Variants in FAM186A observed in about 807,000 individuals in gnomAD.
FAM186A encodes the protein protein FAM186A.
FAM186A carries 163 observed loss-of-function variants against 216.8 expected under a neutral mutation model. The observed-to-expected ratio is 0.75, with a 90% CI of 0.66 to 0.86. The LOEUF is 0.86. Ranked by LOEUF, FAM186A falls within the 40% of genes least tolerant of loss-of-function variation. FAM186A has a pLI of 0.00. For missense variants in FAM186A, 2,184 were observed against 2,746.2 expected, an observed-to-expected ratio of 0.80 and a Z score of 4.58; for synonymous variants, 805 against 1,025.3, an observed-to-expected ratio of 0.79 and a Z score of 4.10.
chr12:50,332,200 T>C (rs764441246), intron 5 of FAM186A, among the ~76,000 whole-genome samples: 9 of 152,248 alleles, frequency 5.9e-5, no homozygotes, highest in Admixed American at 1.3e-4. Flanking sequence ...GCAACTGTAA[T>C]GATAGCCAGC....
At chr12:50,384,854 G>A (rs1213842757) in intron 1 of FAM186A, among the ~76,000 whole-genome samples, 1 of 151,938 alleles carries the variant, frequency 6.6e-6, no homozygotes, top group Non-Finnish European at 1.5e-5. Context: ...TGCCCAGGCT[G>A]GAGTGCATTG....
chr12:50,376,896 A>C (rs1943203478), intron 1 of FAM186A, among the ~76,000 whole-genome samples: 1 of 151,762 alleles, frequency 6.6e-6, no homozygotes, highest in Non-Finnish European at 1.5e-5. Context: ...GAGTGCCACC[A>C]TGGTCAGCTA....
At position 50,352,093 on chromosome 12, in the gene FAM186A, G is replaced by GCACC. The variant is rs1296676824; in HGVS notation, c.4738_4739insGGTG (p.Thr1580ArgfsTer88). The GCACC allele has an allele frequency of 6.5e-7, 1 of 1,535,756 alleles. No homozygotes were observed. Among genetic ancestry groups the GCACC allele is most frequent in the Non-Finnish European group, 8.8e-7 (1 of 1,137,920 alleles). ...CCCCAGTTCCTGCGCCTGCTGAGGGGTGAGAGGGATCCCCAGGGCCTGGGC... is the reference window on the plus strand; with the variant it reads ...CCCCAGTTCCTGCGCCTGCTGAGGGGCACCTGAGAGGGATCCCCAGGGCCTGGGC... On this transcript the variant is annotated frameshift_variant, in exon 4 of 8. Transcript: ENST00000327337. LOFTEE classifies it high-confidence loss of function.
At chr12:50,336,170 C>T (rs1942706609) in intron 4 of FAM186A, among the ~76,000 whole-genome samples, 1 of 151,024 alleles carries the variant, frequency 6.6e-6, no homozygotes. Flanking sequence ...AGGAAGGTGT[C>T]AAGCAGAATT....
intron 1 of FAM186A, among the ~76,000 whole-genome samples, chr12:50,380,975 A>G (rs1592631699): frequency 5.1e-3 from 1 of 196 alleles, no homozygotes; most frequent in Admixed American, 0.25. Context: ...GGGCATCTCC[A>G]GGCACAGGCA....
At chr12:50,367,731 A>G (rs938414638) in intron 1 of FAM186A, among the ~76,000 whole-genome samples, 1 of 152,066 alleles carries the variant, frequency 6.6e-6, no homozygotes, top group South Asian at 2.1e-4. Flanking sequence ...TATTAGAACA[A>G]TAAATTCAGC....
chr12:50,367,210 G>A (rs1419988804), intron 1 of FAM186A, among the ~76,000 whole-genome samples: 1 of 151,928 alleles, frequency 6.6e-6, no homozygotes, highest in Non-Finnish European at 1.5e-5. Flanking sequence ...GGAAGTCCTA[G>A]ACAATCAGGC....
chr12:50,378,353 AC>A (rs1943219097), intron 1 of FAM186A, among the ~76,000 whole-genome samples: 1 of 151,576 alleles, frequency 6.6e-6, no homozygotes, highest in African/African-American at 2.4e-5. Flanking sequence ...AGATGGTGAA[AC>A]CCTGTCTCTA....
At chr12:50,390,431 A>G (rs1943346884) in intron 1 of FAM186A, among the ~76,000 whole-genome samples, 1 of 152,156 alleles carries the variant, frequency 6.6e-6, no homozygotes, top group Admixed American at 6.6e-5. Flanking sequence ...TTCATGATTC[A>G]GGTATTTATT....
At chr12:50,330,837 C>T (rs1942650207) in intron 6 of FAM186A, 79 bp from the exon 7 acceptor site, 2 of 1,232,572 alleles carry the variant, frequency 1.6e-6, no homozygotes, top group Admixed American at 3.3e-5. Context: ...ATTCTCCCCT[C>T]TTCACTGCCA....
Position 50,382,666 on chromosome 12 carries a change from C to T in FAM186A, c.192+13627G>A, listed in dbSNP as rs561767231. Among the ~76,000 whole-genome samples the T allele has an allele frequency of 1.2e-4, 18 of 152,150 alleles. No homozygotes were observed. The South Asian group carries it at 3.7e-3, about 32-fold the overall frequency. On this transcript the variant is annotated intron_variant, in intron 1 of 7. Coordinates refer to ENST00000327337, the MANE Select transcript of FAM186A (RefSeq NM_001145475.3). ...AGTGAGCTGAGATCGTGCCACTGCACTCCAGCCTGGGCAACAGAGCAAGAC... is the reference window on the plus strand; with the variant it reads ...AGTGAGCTGAGATCGTGCCACTGCATTCCAGCCTGGGCAACAGAGCAAGAC...
chr12:50,333,516 A>C (rs769282977), intron 5 of FAM186A, among the ~76,000 whole-genome samples: 2 of 152,158 alleles, frequency 1.3e-5, no homozygotes, highest in Non-Finnish European at 2.9e-5. Flanking sequence ...GAGACAGAGC[A>C]AGACTGTCTC....
At chr12:50,368,836 A>G (rs1326570148) in intron 1 of FAM186A, among the ~76,000 whole-genome samples, 1 of 152,172 alleles carries the variant, frequency 6.6e-6, no homozygotes, top group Non-Finnish European at 1.5e-5. Context: ...ACCTGATGGA[A>G]TAGAATAGAG....
At chr12:50,390,929 A>G (rs1261649708) in intron 1 of FAM186A, among the ~76,000 whole-genome samples, 1 of 152,068 alleles carries the variant, frequency 6.6e-6, no homozygotes, top group East Asian at 1.9e-4. Context: ...AGCTCAAGCA[A>G]TCCTTCCACT....
At chr12:50,390,651 C>T (rs1315807078) in intron 1 of FAM186A, among the ~76,000 whole-genome samples, 1 of 151,970 alleles carries the variant, frequency 6.6e-6, no homozygotes, top group East Asian at 1.9e-4. Context: ...CTACTGGGTC[C>T]CAGTTAGGTT....
chr12:50,363,268 A>G lies in FAM186A; in HGVS notation c.289T>C (p.Ser97Pro). ...TGTTTTTTCTTATGTTCTGTAAGGG[A>G]GACATTCCTTTCAGAGGACGAGTTA... ...VFNSSSERNVSLTEHKKKQRT... is the reference protein window; with the variant it reads ...VFNSSSERNVPLTEHKKKQRT... The change falls in exon 2 of 8, where the codon TCC becomes CCC. Residue 97 changes from serine (S) to proline (P), a missense_variant. Ser to Pro is a moderately conservative substitution (Grantham distance 74, BLOSUM62 -1). Coordinates refer to ENST00000327337, the MANE Select transcript of FAM186A (RefSeq NM_001145475.3). 1 of 1,551,572 alleles carries G rather than the reference A, an allele frequency of 6.4e-7. No individual in the cohort carries two copies.
rs1003316508 is a variant in FAM186A, at chr12:50,353,630, G to A, written c.3202C>T (p.Pro1068Ser). ...LPGALPISGQ[P>S]LTKCIHLTPQ... ...GTGAGATGAATGCATTTAGTGAGAG[G>A]CTGGCCAGAAATAGGAAGAGCTCCA... The change falls in exon 4 of 8, where the codon CCT (proline) becomes TCT (serine). Residue 1068 changes from proline to serine, a missense_variant. Physicochemically the swap from Pro to Ser is moderately conservative, Grantham distance 74. This residue lies in a region of FAM186A where 1,132 missense variants were observed against 1,263.4 expected (regional missense o/e 0.90). Coordinates refer to ENST00000327337, the MANE Select transcript of FAM186A (RefSeq NM_001145475.3). 6 of 1,532,834 alleles carry A rather than the reference G, an allele frequency of 3.9e-6. No homozygotes were observed. The highest frequency in any genetic ancestry group is 2.1e-5 in the Admixed American group (1 of 48,092). The allele number at this position is 1,532,834 out of a possible 1,614,324, so 95.0% of individuals were successfully genotyped here.
At chr12:50,387,821 CTG>C (rs2136107392) in intron 1 of FAM186A, among the ~76,000 whole-genome samples, 2 of 152,284 alleles carry the variant, frequency 1.3e-5, no homozygotes, top group South Asian at 4.1e-4. Context: ...GCTTGCTGCT[CTG>C]TGTCTGCAGC....
At position 50,351,419 on chromosome 12, in the gene FAM186A, C is replaced by A. The variant is rs1942879207; in HGVS notation, c.5413G>T (p.Gly1805Ter). Residue 1805 changes from glycine (G) to a stop codon, truncating the protein, a stop_gained, in exon 4 of 8, where the codon GGA (glycine) becomes TGA (stop). Coordinates refer to ENST00000327337, the MANE Select transcript of FAM186A (RefSeq NM_001145475.3). LOFTEE classifies it high-confidence loss of function. ...AACTGCGCAGAAGTGGATTGACCTC[C>A]GTATACCAGGGTCTGTCCAGAGGAA... is the stretch of plus-strand genomic sequence containing the variant. ...LRSSGQTLVY[G>*]GQSTSAQFPA... 6.8e-7 allele frequency: 1 copy of A among 1,466,488 alleles called. No individual in the cohort carries two copies. The allele number at this position is 1,466,488 out of a possible 1,614,324, so 90.8% of individuals were successfully genotyped here.
Sources: gnomAD v4.1 joint callset for allele counts (sites outside exome capture counted in the v4.1 genomes callset) on GRCh38, gnomAD v4.1.1 for gene constraint, gnomAD v4.1.1 regional missense constraint, MANE v1.5 for transcripts, NCBI Gene and HGNC (gene_info 2026-07-23, HGNC 2026-07-21) for gene names.